ANK3: variants seen among roughly 807,000 people sequenced by gnomAD.
ANK3 encodes the protein ankyrin 3, also known as ankyrin-3.
Under a neutral mutation model 370.9 loss-of-function variants are expected in ANK3, and 57 were observed. The ratio of observed to expected loss-of-function variants is 0.15; its 90% CI spans 0.12 to 0.19. The LOEUF (loss-of-function observed/expected upper bound fraction) is 0.19, where lower values mean the gene tolerates loss of function less well. Among genes scored for constraint, ANK3 ranks in the 10% least tolerant of loss-of-function variants. The pLI is 1.00. For missense variants in ANK3, 4,439 were observed against 5,302.1 expected (o/e 0.84, Z 5.06); for synonymous variants, 1,929 against 1,946.3 (o/e 0.99, Z 0.23).
At chr10:60,055,248 C>T (rs2078931075) in intron 42 of ANK3, among the ~76,000 whole-genome samples, 1 of 151,990 alleles carries the variant, frequency 6.6e-6, no homozygotes, top group Admixed American at 6.6e-5. Context: ...CTGTTTATGC[C>T]AAGGAGCCAG....
At chr10:60,232,224 C>T (rs2097256989) in intron 8 of ANK3, among the ~76,000 whole-genome samples, 1 of 152,104 alleles carries the variant, frequency 6.6e-6, no homozygotes, top group East Asian at 1.9e-4. Context: ...TTGACTATAT[C>T]ACCAGAGAGA....
chr10:60,331,389 C>T (rs2051253179), intron 1 of ANK3, among the ~76,000 whole-genome samples: 1 of 151,660 alleles, frequency 6.6e-6, no homozygotes, highest in Admixed American at 6.6e-5. Context: ...GTGTTATACA[C>T]CAAAATTAAA....
chr10:60,453,728 GCA>G (rs932774437), intron 2 of ANK3, among the ~76,000 whole-genome samples: 2 of 151,444 alleles, frequency 1.3e-5, no homozygotes, highest in African/African-American at 4.9e-5. Context: ...AAACACACAG[GCA>G]CACACACACA....
In ANK3 at chr10:60,252,371, G is replaced by A. The variant is rs569347943; in HGVS notation, c.798+9488C>T. 1.4e-3 allele frequency among the ~76,000 whole-genome samples: 213 copies of A among 152,294 alleles called. 5 individuals are homozygous for A. Among genetic ancestry groups the A allele is most frequent in the Non-Finnish European group, 2.4e-4 (16 of 68,022 alleles). On this transcript the variant is annotated intron_variant, in intron 7 of 43. Coordinates refer to ENST00000280772, the MANE Select transcript of ANK3 (RefSeq NM_020987.5). ...ACATTTAGCAGAGCATCAGTCTGGGGCATGGCAGCCCCTAGCTGTTATTTT... is the reference window on the plus strand; with the variant it reads ...ACATTTAGCAGAGCATCAGTCTGGGACATGGCAGCCCCTAGCTGTTATTTT...
At chr10:60,367,374 C>A (rs2059530384) in intron 1 of ANK3, among the ~76,000 whole-genome samples, 2 of 152,212 alleles carry the variant, frequency 1.3e-5, no homozygotes, top group African/African-American at 4.8e-5. Context: ...TTTACAATTA[C>A]CTTCTTAACT....
chr10:60,569,881 C>T (rs995703986), intron 2 of ANK3, among the ~76,000 whole-genome samples: 2 of 152,080 alleles, frequency 1.3e-5, no homozygotes, highest in African/African-American at 2.4e-5. Context: ...GAGCTTGTTG[C>T]CACAGAGTTT....
At chr10:60,345,875 A>G (rs2055345811) in intron 1 of ANK3, among the ~76,000 whole-genome samples, 1 of 152,158 alleles carries the variant, frequency 6.6e-6, no homozygotes. Context: ...TTAACTAGCA[A>G]TTGATTCTAG....
chr10:60,367,127 G>A (rs963105602), intron 1 of ANK3, among the ~76,000 whole-genome samples: 12 of 152,176 alleles, frequency 7.9e-5, no homozygotes, highest in African/African-American at 2.9e-4. Flanking sequence ...TCTTCAGGGA[G>A]AGACAAGCAT....
intron 1 of ANK3, among the ~76,000 whole-genome samples, chr10:60,679,901 T>C (rs1344953904): frequency 2.0e-5 from 3 of 152,016 alleles, no homozygotes; most frequent in Non-Finnish European, 4.4e-5. Flanking sequence ...TTTGGGAGGC[T>C]GAGGTGGGCG....
intron 21 of ANK3, among the ~76,000 whole-genome samples, chr10:60,171,200 G>C (rs952672860): frequency 1.3e-5 from 2 of 152,164 alleles, no homozygotes; most frequent in African/African-American, 4.8e-5. Context: ...AGTATAACTT[G>C]AAGTTCGGAA....
chr10:60,207,715 T>C (rs1368821492), intron 10 of ANK3, among the ~76,000 whole-genome samples: 11 of 152,236 alleles, frequency 7.2e-5, no homozygotes, highest in Non-Finnish European at 1.6e-4. Context: ...AATAAACTTT[T>C]AATTCACAGA....
At chr10:60,599,346 A>G (rs1378470712) in intron 2 of ANK3, among the ~76,000 whole-genome samples, 1 of 151,522 alleles carries the variant, frequency 6.6e-6, no homozygotes, top group East Asian at 1.9e-4. Context: ...AATGGACACG[A>G]CTCCCTAACT....
At chr10:60,312,311 C>T (rs768443982) in intron 1 of ANK3, among the ~76,000 whole-genome samples, 5 of 152,216 alleles carry the variant, frequency 3.3e-5, no homozygotes, top group East Asian at 1.9e-4. Flanking sequence ...AATAAATCTC[C>T]TTATCCACAT....
chr10:60,447,737 G>A (rs2064487749), intron 2 of ANK3, among the ~76,000 whole-genome samples: 1 of 152,220 alleles, frequency 6.6e-6, no homozygotes, highest in South Asian at 2.1e-4. Flanking sequence ...GAGGGACTTG[G>A]AAGTTGTTTA....
chr10:60,691,480 T>C (rs1444254005), intron 1 of ANK3, among the ~76,000 whole-genome samples: 1 of 152,140 alleles, frequency 6.6e-6, no homozygotes, highest in Non-Finnish European at 1.5e-5. Flanking sequence ...GCATTTAGAA[T>C]CGTACCAGGC....
chr10:60,165,774 G>A (rs1165775272), intron 23 of ANK3, among the ~76,000 whole-genome samples: 1 of 152,066 alleles, frequency 6.6e-6, no homozygotes, highest in Non-Finnish European at 1.5e-5. Flanking sequence ...GTCATAATAG[G>A]GTAGACTGTA....
At chr10:60,590,562 G>A (rs947353305) in intron 2 of ANK3, among the ~76,000 whole-genome samples, 6 of 152,182 alleles carry the variant, frequency 3.9e-5, no homozygotes, top group African/African-American at 1.4e-4. Context: ...CAACTTACAA[G>A]TGAAGAACAA....
At chr10:60,556,794 C>T (rs1485392302) in intron 2 of ANK3, among the ~76,000 whole-genome samples, 2 of 152,270 alleles carry the variant, frequency 1.3e-5, no homozygotes, top group South Asian at 2.1e-4. Context: ...TAATACTAGG[C>T]CATGGACTGG....
chr10:60,623,306 CAAAG>C (rs1426841332), intron 1 of ANK3, among the ~76,000 whole-genome samples: 1 of 152,036 alleles, frequency 6.6e-6, no homozygotes, highest in Admixed American at 6.6e-5. Flanking sequence ...CAGAGATGTA[CAAAG>C]AAAGGGATCC....
Sources: gnomAD v4.1 joint callset for allele counts (sites outside exome capture counted in the v4.1 genomes callset) on GRCh38, gnomAD v4.1.1 for gene constraint, MANE v1.5 for transcripts, NCBI Gene and HGNC (gene_info 2026-07-23, HGNC 2026-07-21) for gene names.